ARHGAP10: variants seen among roughly 807,000 people sequenced by gnomAD.
ARHGAP10 encodes Rho GTPase activating protein 10.
A neutral mutation model predicts 108.6 loss-of-function variants in ARHGAP10; 87 were observed. The ratio of observed to expected loss-of-function variants is 0.80; its 90% confidence interval spans 0.67 to 0.96. The LOEUF is 0.96. ARHGAP10 is among the 40% of genes least tolerant of loss of function. The probability of loss-of-function intolerance (pLI) is 0.00; values close to 1 mark genes in which losing one functional copy is unlikely to be tolerated. For synonymous variants in ARHGAP10, 347 were observed against 341.1 expected (o/e 1.02, Z -0.19); for missense variants, 939 against 954.5 (o/e 0.98, Z 0.21).
intron 20 of ARHGAP10, among the ~76,000 whole-genome samples, chr4:148,061,370 T>C (rs189757296): frequency 3.9e-4 from 60 of 152,290 alleles, no homozygotes; most frequent in African/African-American, 1.2e-3. Flanking sequence ...ATTGTTTGGC[T>C]AACTGTGGCC....
chr4:147,793,848 A>C (rs1731216093), intron 1 of ARHGAP10, among the ~76,000 whole-genome samples: 1 of 152,244 alleles, frequency 6.6e-6, no homozygotes, highest in African/African-American at 2.4e-5. Context: ...GAAGAAGTGA[A>C]CAAGTAGAAA....
At chr4:147,911,112 C>T (rs1736712245) in intron 12 of ARHGAP10, among the ~76,000 whole-genome samples, 1 of 151,404 alleles carries the variant, frequency 6.6e-6, no homozygotes, top group African/African-American at 2.4e-5. Context: ...TAAAACATGT[C>T]TTTTTTAGAA....
At position 148,017,680 on chromosome 4, in the gene ARHGAP10, A is replaced by ATATATATATATATATATGAG. The variant is rs11281620; in HGVS notation, c.1717-5580_1717-5579insATATATATATATATGAGTAT. Among the ~76,000 whole-genome samples, 370 of 141,394 alleles carry ATATATATATATATATATGAG rather than the reference A, an allele frequency of 2.6e-3. 16 individuals are homozygous for ATATATATATATATATATGAG. Among genetic ancestry groups the ATATATATATATATATATGAG allele is most frequent in the African/African-American group, 9.4e-3 (343 of 36,530 alleles). 92.8% of individuals were successfully genotyped at this position (141,394 alleles called of 152,430 possible). ...TATATATATATATATATATATATAT[A>ATATATATATATATATATGAG]TATGTGTGTGTATGTAAAGGAATTC... On this transcript the variant is annotated intron_variant, in intron 18 of 22. Transcript: ENST00000336498.
At chr4:147,754,674 C>T (rs1729296673) in intron 1 of ARHGAP10, among the ~76,000 whole-genome samples, 1 of 151,894 alleles carries the variant, frequency 6.6e-6, no homozygotes, top group Non-Finnish European at 1.5e-5. Context: ...TTTACTGTTA[C>T]ACATGTGCAT....
intron 19 of ARHGAP10, among the ~76,000 whole-genome samples, chr4:148,026,786 A>G (rs1727876051): frequency 6.6e-6 from 1 of 152,236 alleles, no homozygotes; most frequent in Non-Finnish European, 1.5e-5. Flanking sequence ...TAAGTCAGTT[A>G]TGAAAAAGCA....
In ARHGAP10 at chr4:148,072,184, C is replaced by A; in HGVS notation, c.*103C>A. ...GGCTCTGGGCTGCACCCACAGGTAC[C>A]TCCACACTTGGGAGTTACCATCATC... On this transcript the variant is annotated 3_prime_UTR_variant, in exon 23 of 23. Transcript: ENST00000336498. The A allele has an allele frequency of 9.9e-7, 1 of 1,011,730 alleles. No individual in the cohort carries two copies. Among genetic ancestry groups the A allele is most frequent in the East Asian group, 2.6e-5 (1 of 38,736 alleles). The allele number at this position is 1,011,730 out of a possible 1,614,324, so 62.7% of individuals were successfully genotyped here.
intron 22 of ARHGAP10, among the ~76,000 whole-genome samples, chr4:148,064,755 A>G (rs2358184): frequency 0.7 from 106,618 of 152,014 alleles, 38,006 homozygotes; most frequent in East Asian, 0.84. Context: ...GTGGGTCTTC[A>G]TTCAGGTCAT....
At chr4:147,913,323 A>G (rs1205701177) in intron 13 of ARHGAP10, among the ~76,000 whole-genome samples, 184 bp downstream of exon 13, 1 of 152,232 alleles carries the variant, frequency 6.6e-6, no homozygotes, top group Non-Finnish European at 1.5e-5. Context: ...CTTTTTATTT[A>G]CATATTTCTT....
intron 18 of ARHGAP10, among the ~76,000 whole-genome samples, chr4:147,987,433 T>G (rs918825944): frequency 6.6e-6 from 1 of 152,192 alleles, no homozygotes; most frequent in Non-Finnish European, 1.5e-5. Flanking sequence ...TTTACCTTTT[T>G]CTGGGTCCCT....
At chr4:147,754,291 AG>A (rs779537682) in intron 1 of ARHGAP10, among the ~76,000 whole-genome samples, 1 of 152,244 alleles carries the variant, frequency 6.6e-6, no homozygotes, top group Non-Finnish European at 1.5e-5. Flanking sequence ...GCCTTTTGTA[AG>A]TAACTCCATA....
chr4:147,931,607 G>A (rs766771809), intron 13 of ARHGAP10, among the ~76,000 whole-genome samples: 20 of 152,186 alleles, frequency 1.3e-4, no homozygotes, highest in Middle Eastern at 3.4e-3. Context: ...AAAAACCAAG[G>A]TTGACCAAGT....
At chr4:148,036,382 G>T (rs532969721) in intron 19 of ARHGAP10, among the ~76,000 whole-genome samples, 4 of 152,136 alleles carry the variant, frequency 2.6e-5, no homozygotes, top group Non-Finnish European at 5.9e-5. Flanking sequence ...ATCTTGAATT[G>T]TAGTTCCTAT....
rs184900104 is a variant in ARHGAP10, at chr4:148,002,648, G to A, written c.1717-20615G>A. On this transcript the variant is annotated intron_variant, in intron 18 of 22. Transcript: ENST00000336498. ...CTTCCTGGTTTAGTCTTGGGAGGGT[G>A]TATGTGTCAAGGAATTTATCCATTT... Among the ~76,000 whole-genome samples the A allele has an allele frequency of 2.5e-3, 382 of 152,262 alleles. 3 individuals are homozygous for A. Among genetic ancestry groups the A allele is most frequent in the Middle Eastern group, 6.8e-3 (2 of 294 alleles).
intron 22 of ARHGAP10, 140 bp from the exon 23 acceptor site, chr4:148,071,853 G>C (rs1028367506): frequency 9.2e-6 from 6 of 652,854 alleles, no homozygotes; most frequent in South Asian, 7.8e-5. Flanking sequence ...CAATGACCCT[G>C]GTGCAGACTT....
chr4:147,872,655 C>G (rs1267152184), intron 7 of ARHGAP10, among the ~76,000 whole-genome samples: 1 of 152,100 alleles, frequency 6.6e-6, no homozygotes, highest in African/African-American at 2.4e-5. Flanking sequence ...TTTGTGTGTT[C>G]TATGTATGAT....
chr4:147,853,740 A>G (rs372409435), intron 4 of ARHGAP10, among the ~76,000 whole-genome samples: 1 of 149,544 alleles, frequency 6.7e-6, no homozygotes, highest in Non-Finnish European at 1.5e-5. Flanking sequence ...GATTATTATG[A>G]TTTTTTTTTT....
chr4:147,979,002 G>A (rs1220835597), intron 18 of ARHGAP10, among the ~76,000 whole-genome samples: 1 of 152,106 alleles, frequency 6.6e-6, no homozygotes, highest in African/African-American at 2.4e-5. Flanking sequence ...CTCCCGTTTT[G>A]TAGATTGTCT....
chr4:147,872,099 CAA>C (rs36205660), intron 7 of ARHGAP10, among the ~76,000 whole-genome samples: 4,537 of 69,912 alleles, frequency 0.065, 149 homozygotes, highest in East Asian at 0.14. Flanking sequence ...GAGACTCGGT[CAA>C]AAAAAAAAAA....
chr4:147,815,656 A>C (rs897452181), intron 1 of ARHGAP10, among the ~76,000 whole-genome samples: 2 of 152,168 alleles, frequency 1.3e-5, no homozygotes, highest in South Asian at 4.1e-4. Flanking sequence ...TAGGAGTTCA[A>C]TACCAGCCTG....
Sources: gnomAD v4.1 joint callset for allele counts (sites outside exome capture counted in the v4.1 genomes callset) on GRCh38, gnomAD v4.1.1 for gene constraint, MANE v1.5 for transcripts, NCBI Gene and HGNC (gene_info 2026-07-23, HGNC 2026-07-21) for gene names.